The following PMS1 variants were observed in gnomAD, a reference collection of about 807,000 sequenced individuals.
PMS1 encodes PMS1 protein homolog 1.
A neutral mutation model predicts 93.1 loss-of-function variants in PMS1; 79 were observed. The ratio of observed to expected loss-of-function variants is 0.85; its 90% CI spans 0.71 to 1.02. PMS1 has a LOEUF of 1.02. Ranked by LOEUF, PMS1 falls within the 50% of genes least tolerant of loss-of-function variation. The pLI is 0.00. For missense variants in PMS1, 1,064 were observed against 1,085.3 expected (o/e 0.98, Z 0.28); for synonymous variants, 335 against 363.4 (o/e 0.92, Z 0.89).
At chr2:189,791,362 G>A (rs2048851793) in intron 1 of PMS1, among the ~76,000 whole-genome samples, 1 of 152,156 alleles carries the variant, frequency 6.6e-6, no homozygotes, top group Non-Finnish European at 1.5e-5. Context: ...GCTCACGCCT[G>A]TAATCTCAGT....
intron 11 of PMS1, 138 bp downstream of exon 11, chr2:189,868,067 A>T (rs2056816783): frequency 5.3e-6 from 4 of 747,878 alleles, no homozygotes; most frequent in Non-Finnish European, 9.3e-6. Flanking sequence ...ATGTTAAAAC[A>T]TTTTTTTCAA....
intron 9 of PMS1, among the ~76,000 whole-genome samples, chr2:189,862,156 C>T (rs2056085418): frequency 6.6e-6 from 1 of 152,074 alleles, no homozygotes; most frequent in Non-Finnish European, 1.5e-5. Flanking sequence ...CACTGCAATG[C>T]TTTTCCAGTT....
chr2:189,790,193 C>G (rs2048723940), intron 1 of PMS1, among the ~76,000 whole-genome samples: 1 of 152,168 alleles, frequency 6.6e-6, no homozygotes, highest in African/African-American at 2.4e-5. Context: ...GTAATCCTAA[C>G]TCTAAAGGAG....
chr2:189,858,914 T>A (rs940585432), intron 9 of PMS1, among the ~76,000 whole-genome samples: 1 of 152,136 alleles, frequency 6.6e-6, no homozygotes, highest in Non-Finnish European at 1.5e-5. Flanking sequence ...ACAAACTACA[T>A]GCCATGCTGT....
chr2:189,802,315 C>G (rs1346292759), intron 3 of PMS1, among the ~76,000 whole-genome samples: 1 of 152,124 alleles, frequency 6.6e-6, no homozygotes, highest in African/African-American at 2.4e-5. Context: ...TTGTATGTTG[C>G]ATGTATTATA....
chr2:189,857,564 T>A lies in PMS1; in HGVS notation c.1856+2436T>A, dbSNP rs920669429. The A allele has an allele frequency of 1.7e-5, 7 of 410,318 alleles. No homozygotes were observed. The East Asian group carries it at 5.2e-4, about 31-fold the overall frequency. The allele number at this position is 410,318 out of a possible 1,614,324, so 25.4% of individuals were successfully genotyped here. A position where few individuals can be genotyped will look rare whatever the true frequency, so the allele number is the denominator to read the frequency against. On this transcript the variant is annotated intron_variant, in intron 9 of 12. Transcript: ENST00000441310. ...TATAGACCTTCAGTCCATCCTTTTC[T>A]TCCTTCTTCTTTTTTTCTTCCTTTT...
intron 4 of PMS1, among the ~76,000 whole-genome samples, chr2:189,816,507 T>C (rs1052911295): frequency 6.6e-6 from 1 of 152,194 alleles, no homozygotes; most frequent in Admixed American, 6.5e-5. Flanking sequence ...GAATGTACTT[T>C]CTTTTTTCTT....
At position 189,791,922 on chromosome 2, in the gene PMS1, C is replaced by G; in HGVS notation, c.113C>G (p.Thr38Arg). The G allele has an allele frequency of 6.2e-7, 1 of 1,613,962 alleles. No individual in the cohort carries two copies. The change falls in exon 2 of 13, where the codon ACA becomes AGA. Residue 38 changes from threonine to arginine, a missense_variant. Thr to Arg is a moderately conservative substitution (Grantham distance 71). Coordinates refer to ENST00000441310, the MANE Select transcript of PMS1 (RefSeq NM_000534.5). Reference protein sequence around the residue: ...LIENSLDAGATSVDVKLENYG... With the variant: ...LIENSLDAGARSVDVKLENYG... ...GAAAACTCCTTGGATGCTGGTGCCA[C>G]AAGCGTAGATGTTAAACTGGTGAGT...
At chr2:189,816,775 A>C (rs1232542933) in intron 4 of PMS1, among the ~76,000 whole-genome samples, 1 of 152,134 alleles carries the variant, frequency 6.6e-6, no homozygotes, top group East Asian at 1.9e-4. Flanking sequence ...CTGTGTTATA[A>C]GCAGTAGGAC....
intron 10 of PMS1, among the ~76,000 whole-genome samples, chr2:189,864,687 AATATATATATATATATATATATATATAT>A (rs1220402323): frequency 1.6e-4 from 3 of 18,252 alleles, no homozygotes; most frequent in Admixed American, 1.2e-3. Flanking sequence ...AAAAAAAAAA[AATATATATATATATATATATATATATAT>A]ATATATATAT....
chr2:189,846,168 G>A (rs2106423872), intron 6 of PMS1, among the ~76,000 whole-genome samples: 1 of 151,940 alleles, frequency 6.6e-6, no homozygotes, highest in South Asian at 2.1e-4. Context: ...GGGGCCAGAA[G>A]CTCAAGACCA....
intron 4 of PMS1, among the ~76,000 whole-genome samples, chr2:189,813,387 G>C (rs2106310525): frequency 1.3e-5 from 2 of 152,280 alleles, no homozygotes; most frequent in Middle Eastern, 6.8e-3. Flanking sequence ...AAACTTAAAA[G>C]AGTAGTGTAG....
intron 2 of PMS1, among the ~76,000 whole-genome samples, chr2:189,792,689 A>ATG (rs1491289015): frequency 4.6e-5 from 1 of 21,826 alleles, no homozygotes; most frequent in Admixed American, 4.7e-4. Flanking sequence ...ATGGACACAA[A>ATG]TATATATATA....
intron 5 of PMS1, among the ~76,000 whole-genome samples, chr2:189,819,825 C>T (rs1278764170): frequency 1.3e-5 from 2 of 152,156 alleles, no homozygotes; most frequent in African/African-American, 2.4e-5. Context: ...TGTCTGTTCA[C>T]TCTGTTGATT....
At chr2:189,874,514 G>T (rs1202035448) in intron 12 of PMS1, among the ~76,000 whole-genome samples, 1 of 152,132 alleles carries the variant, frequency 6.6e-6, no homozygotes, top group African/African-American at 2.4e-5. Flanking sequence ...TAAGATAGTA[G>T]CAGGAAAACA....
chr2:189,808,492 G>A (rs903166070), intron 4 of PMS1, among the ~76,000 whole-genome samples: 17 of 151,968 alleles, frequency 1.1e-4, no homozygotes, highest in African/African-American at 3.1e-4. Flanking sequence ...CACACCTGGC[G>A]AATTTTTGTG....
At position 189,867,394 on chromosome 2, in the gene PMS1, C is replaced by T. The variant is rs186832264; in HGVS notation, c.2343-405C>T. 2.6e-5 allele frequency among the ~76,000 whole-genome samples: 4 copies of T among 152,298 alleles called. No homozygotes were observed. In the East Asian group the frequency reaches 7.7e-4, roughly 29 times the overall value. On this transcript the variant is annotated intron_variant, in intron 10 of 12. Coordinates refer to ENST00000441310, the MANE Select transcript of PMS1 (RefSeq NM_000534.5). ...ATTAGTTCCTAGAAGAAAGAGATTA[C>T]ATGTTTATCTTTTTGTTACAGAAGA...
At chr2:189,857,629 T>C in intron 9 of PMS1, 1 of 354,916 alleles carries the variant, frequency 2.8e-6, no homozygotes, top group Non-Finnish European at 5.7e-6. Flanking sequence ...CTCCTTTCCC[T>C]TCCCTTCTTT....
intron 1 of PMS1, chr2:189,791,565 C>T (rs969046126): frequency 5.0e-6 from 2 of 401,510 alleles, no homozygotes; most frequent in Non-Finnish European, 9.4e-6. Flanking sequence ...TGCAGTGAGT[C>T]GAGATCACGC....
Sources: allele counts gnomAD v4.1 joint callset (sites outside exome capture counted in the v4.1 genomes callset), GRCh38; gene constraint gnomAD v4.1.1; transcripts MANE v1.5; gene names NCBI Gene and HGNC (gene_info 2026-07-23, HGNC 2026-07-21).